Variants in FXR1 observed in about 807,000 individuals in gnomAD.
FXR1 encodes the protein FMR1 autosomal homolog 1.
FXR1 carries 15 observed loss-of-function variants against 84.0 expected under a neutral mutation model. The observed-to-expected ratio is 0.18, with a 90% CI of 0.12 to 0.27. The LOEUF is 0.27. Ranked by LOEUF, FXR1 falls within the 10% of genes least tolerant of loss-of-function variation. The probability of loss-of-function intolerance (pLI) is 1.00; values close to 1 mark genes in which losing one functional copy is unlikely to be tolerated. For synonymous variants in FXR1, 245 were observed against 250.7 expected (o/e 0.98, Z 0.21); for missense variants, 480 against 774.4 (o/e 0.62, Z 4.51).
intron 1 of FXR1, among the ~76,000 whole-genome samples, chr3:180,932,514 G>A (rs937379514): frequency 5.3e-5 from 8 of 152,152 alleles, no homozygotes; most frequent in Non-Finnish European, 1.0e-4. Flanking sequence ...CAAGTCCTTT[G>A]CTCTTTCTTG....
intron 3 of FXR1, among the ~76,000 whole-genome samples, chr3:180,943,141 A>G (rs1721310823): frequency 6.7e-6 from 1 of 149,150 alleles, no homozygotes; most frequent in East Asian, 2.0e-4. Context: ...TAATTTTCGT[A>G]TTTTTAGTAG....
chr3:180,951,521 T>G (rs1722230999), intron 8 of FXR1, 53 bp downstream of exon 8: 12 of 1,248,558 alleles, frequency 9.6e-6, no homozygotes, highest in Non-Finnish European at 1.2e-5. Context: ...ATCTATTGTT[T>G]GATTATATTT....
chr3:180,926,764 A>T (rs1166457374), intron 1 of FXR1, among the ~76,000 whole-genome samples: 1 of 151,976 alleles, frequency 6.6e-6, no homozygotes, highest in Non-Finnish European at 1.5e-5. Context: ...TTACTCCTTT[A>T]TAAGGAATGT....
chr3:180,961,888 C>T (rs989825975), intron 11 of FXR1, among the ~76,000 whole-genome samples: 4 of 152,132 alleles, frequency 2.6e-5, no homozygotes, highest in Non-Finnish European at 5.9e-5. Flanking sequence ...CATGTTCATA[C>T]TGGAGCCATT....
At chr3:180,946,875 T>C (rs1296910415) in intron 3 of FXR1, among the ~76,000 whole-genome samples, 1 of 152,174 alleles carries the variant, frequency 6.6e-6, no homozygotes, top group African/African-American at 2.4e-5. Context: ...GGTTTTTAGT[T>C]TCTTCTCAGC....
intron 1 of FXR1, among the ~76,000 whole-genome samples, chr3:180,932,138 T>C (rs1317756328): frequency 1.3e-5 from 2 of 151,822 alleles, no homozygotes; most frequent in Non-Finnish European, 2.9e-5. Flanking sequence ...TTCTCTTCTT[T>C]CTTTTGGGTT....
intron 9 of FXR1, among the ~76,000 whole-genome samples, chr3:180,956,283 C>T (rs1376118139): frequency 6.6e-6 from 1 of 152,220 alleles, no homozygotes; most frequent in African/African-American, 2.4e-5. Flanking sequence ...AATCACTTCT[C>T]TCTGTCCCTT....
At chr3:180,920,495 A>T (rs930388706) in intron 1 of FXR1, among the ~76,000 whole-genome samples, 3 of 151,672 alleles carry the variant, frequency 2.0e-5, no homozygotes, top group South Asian at 4.1e-4. Flanking sequence ...CTCTGCAACG[A>T]GAAAGTCAGA....
intron 1 of FXR1, among the ~76,000 whole-genome samples, chr3:180,924,543 AG>A (rs1370520763): frequency 6.6e-6 from 1 of 152,224 alleles, no homozygotes; most frequent in Non-Finnish European, 1.5e-5. Context: ...TGTTGATTTT[AG>A]GTGTCAGTAA....
chr3:180,940,809 C>T (rs1457160415), intron 3 of FXR1, among the ~76,000 whole-genome samples: 5 of 152,152 alleles, frequency 3.3e-5, no homozygotes, highest in Non-Finnish European at 7.4e-5. Flanking sequence ...CTCCTGACCT[C>T]AGGTGATCCA....
chr3:180,914,007 CTG>C (rs1717572570), intron 1 of FXR1, among the ~76,000 whole-genome samples: 2 of 152,202 alleles, frequency 1.3e-5, no homozygotes, highest in South Asian at 4.1e-4. Context: ...TTTGGTTTAA[CTG>C]TCACGTGGTA....
At chr3:180,928,075 C>T (rs1719439374) in intron 1 of FXR1, among the ~76,000 whole-genome samples, 5 of 149,706 alleles carry the variant, frequency 3.3e-5, no homozygotes, top group Admixed American at 3.3e-4. Context: ...CCTGATTTCT[C>T]CTGGAATTGT....
chr3:180,928,480 C>G (rs1719495741), intron 1 of FXR1, among the ~76,000 whole-genome samples: 1 of 149,796 alleles, frequency 6.7e-6, no homozygotes, highest in Non-Finnish European at 1.5e-5. Context: ...CAATGGGATG[C>G]CATTGAAATT....
chr3:180,964,873 T>C (rs1712615809), intron 13 of FXR1, among the ~76,000 whole-genome samples: 1 of 151,868 alleles, frequency 6.6e-6, no homozygotes, highest in African/African-American at 2.4e-5. Context: ...TTGGAGTCGA[T>C]AAAACGTGAT....
intron 13 of FXR1, among the ~76,000 whole-genome samples, chr3:180,963,720 G>T (rs527643008): frequency 2.4e-4 from 37 of 152,128 alleles, no homozygotes; most frequent in Admixed American, 5.2e-4. Context: ...TGAGGATTGG[G>T]TCTAACCCAG....
At chr3:180,914,908 G>A (rs1443620869) in intron 1 of FXR1, 4 of 984,580 alleles carry the variant, frequency 4.1e-6, no homozygotes, top group Non-Finnish European at 4.8e-6. Context: ...GCACTTTGTG[G>A]AAACTGTGGT....
chr3:180,970,420 AT>A (rs1184090288), intron 15 of FXR1, 62 bp downstream of exon 15: 22 of 253,590 alleles, frequency 8.7e-5, no homozygotes, highest in African/African-American at 1.2e-4. Flanking sequence ...ATATATATAT[AT>A]AATTGTAAAC....
intron 15 of FXR1, 95 bp from the exon 16 acceptor site, chr3:180,975,218 C>T: frequency 2.1e-6 from 1 of 479,190 alleles, no homozygotes; most frequent in South Asian, 4.4e-5. Context: ...ACTGGGTGAC[C>T]CACCACTAGT....
intron 15 of FXR1, among the ~76,000 whole-genome samples, chr3:180,973,621 TATAA>T (rs1204498177): frequency 6.6e-6 from 1 of 152,230 alleles, no homozygotes; most frequent in Admixed American, 6.5e-5. Flanking sequence ...TTAATGTAGT[TATAA>T]ATATATTAGC....
Sources: gnomAD v4.1 joint callset for allele counts (sites outside exome capture counted in the v4.1 genomes callset) on GRCh38, gnomAD v4.1.1 for gene constraint, MANE v1.5 for transcripts, NCBI Gene and HGNC (gene_info 2026-07-23, HGNC 2026-07-21) for gene names.